PPFIBP1: variants seen among roughly 807,000 people sequenced by gnomAD.
PPFIBP1 encodes PPFIB scaffold protein 1.
PPFIBP1 carries 112 observed loss-of-function variants against 137.8 expected under a neutral mutation model. The observed-to-expected ratio is 0.81, with a 90% CI of 0.70 to 0.95. The LOEUF is 0.95. Ranked by LOEUF, PPFIBP1 falls within the 40% of genes least tolerant of loss-of-function variation. The pLI is 0.00. For synonymous variants in PPFIBP1, 378 were observed against 417.3 expected (o/e 0.91, Z 1.15); for missense variants, 1,083 against 1,196.6 (o/e 0.91, Z 1.40).
chr12:27,691,120 A>G (rs1185354750), intron 27 of PPFIBP1, among the ~76,000 whole-genome samples: 1 of 148,644 alleles, frequency 6.7e-6, no homozygotes, highest in African/African-American at 2.5e-5. Flanking sequence ...TTTAGCAGTC[A>G]CCAGTCCTGT....
chr12:27,576,151 C>G (rs1229537912), intron 1 of PPFIBP1, among the ~76,000 whole-genome samples: 4 of 152,074 alleles, frequency 2.6e-5, no homozygotes, highest in African/African-American at 7.2e-5. Flanking sequence ...TGCCCCATCC[C>G]CCACCGCTTT....
intron 1 of PPFIBP1, among the ~76,000 whole-genome samples, chr12:27,545,325 T>C (rs1946117080): frequency 2.0e-5 from 3 of 152,134 alleles, no homozygotes; most frequent in African/African-American, 7.2e-5. Flanking sequence ...ATGGCACATG[T>C]ATGCCTATGT....
chr12:27,547,273 G>A (rs189696783), intron 1 of PPFIBP1: 4 of 152,244 alleles, frequency 2.6e-5, no homozygotes, highest in South Asian at 2.1e-4. Flanking sequence ...AGGTCTCGCC[G>A]CCTTTACTTG....
At chr12:27,645,379 C>T (rs2058399360) in intron 4 of PPFIBP1, among the ~76,000 whole-genome samples, 1 of 152,152 alleles carries the variant, frequency 6.6e-6, no homozygotes, top group African/African-American at 2.4e-5. Flanking sequence ...ATCTATACAT[C>T]GTTTCTCAAT....
At chr12:27,661,143 C>T (rs2059520197) in intron 11 of PPFIBP1, among the ~76,000 whole-genome samples, 198 bp downstream of exon 11, 1 of 152,202 alleles carries the variant, frequency 6.6e-6, no homozygotes, top group South Asian at 2.1e-4. Context: ...CTGAGAACTC[C>T]TGCCCCCACG....
intron 2 of PPFIBP1, among the ~76,000 whole-genome samples, chr12:27,596,814 G>A (rs934104487): frequency 2.0e-5 from 3 of 152,188 alleles, no homozygotes; most frequent in African/African-American, 7.2e-5. Flanking sequence ...TCAATAGAAA[G>A]AGGAACCAAG....
At position 27,536,233 on chromosome 12, in the gene PPFIBP1, G is replaced by A. The variant is rs890861661; in HGVS notation, c.-124+11868G>A. ...GCTCATGGTGCATTGGGAAAACTGT[G>A]TGAATAGAGAGGCCAGGAATGGTGG... On this transcript the variant is annotated intron_variant, in intron 1 of 29. Transcript: ENST00000228425. Among the ~76,000 whole-genome samples, 5 of 152,320 alleles carry A rather than the reference G, an allele frequency of 3.3e-5. No individual in the cohort carries two copies. The East Asian group carries it at 9.6e-4, about 29-fold the overall frequency.
chr12:27,677,163 G>A (rs1408206135), intron 19 of PPFIBP1, 67 bp downstream of exon 19: 2 of 1,581,808 alleles, frequency 1.3e-6, no homozygotes, highest in Non-Finnish European at 1.7e-6. Flanking sequence ...CCCTGCTCTT[G>A]GCATCTGTGA....
At chr12:27,632,968 T>C (rs2057365900) in intron 2 of PPFIBP1, among the ~76,000 whole-genome samples, 1 of 152,018 alleles carries the variant, frequency 6.6e-6, no homozygotes, top group Non-Finnish European at 1.5e-5. Context: ...CAAACAAAAA[T>C]AAATGAAATT....
At chr12:27,583,301 T>C (rs1223769442) in intron 2 of PPFIBP1, among the ~76,000 whole-genome samples, 1 of 152,188 alleles carries the variant, frequency 6.6e-6, no homozygotes, top group East Asian at 1.9e-4. Context: ...TGCTTCTGGT[T>C]CTAAGCATGG....
intron 1 of PPFIBP1, among the ~76,000 whole-genome samples, chr12:27,565,036 G>A (rs1428593662): frequency 6.6e-6 from 1 of 152,174 alleles, no homozygotes. Flanking sequence ...TTCATCTCCT[G>A]TTGACTTCCC....
intron 1 of PPFIBP1, among the ~76,000 whole-genome samples, chr12:27,524,929 T>C (rs1283080408): frequency 6.6e-6 from 1 of 152,172 alleles, no homozygotes; most frequent in Non-Finnish European, 1.5e-5. Flanking sequence ...GCGGGAAAAC[T>C]CGTCTCTTGG....
intron 1 of PPFIBP1, among the ~76,000 whole-genome samples, chr12:27,573,438 T>C (rs979484890): frequency 6.6e-6 from 1 of 151,982 alleles, no homozygotes; most frequent in African/African-American, 2.4e-5. Context: ...GGTTTTGATG[T>C]TGGTAGTAGA....
At chr12:27,604,518 G>T (rs994491064) in intron 2 of PPFIBP1, among the ~76,000 whole-genome samples, 2 of 152,160 alleles carry the variant, frequency 1.3e-5, no homozygotes, top group Non-Finnish European at 2.9e-5. Context: ...GCCTGTAAAT[G>T]ATTTTGCTGA....
chr12:27,565,908 C>G (rs2049617236), intron 1 of PPFIBP1, among the ~76,000 whole-genome samples: 1 of 144,270 alleles, frequency 6.9e-6, no homozygotes, highest in Non-Finnish European at 1.5e-5. Flanking sequence ...ATCTTACTCA[C>G]TTTTCCTTCT....
chr12:27,626,766 A>G (rs1277602466), intron 2 of PPFIBP1, among the ~76,000 whole-genome samples: 1 of 152,010 alleles, frequency 6.6e-6, no homozygotes, highest in Non-Finnish European at 1.5e-5. Context: ...GGATTTCACC[A>G]TGTTGGCCAG....
chr12:27,604,936 G>A (rs1458827807), intron 2 of PPFIBP1, among the ~76,000 whole-genome samples: 2 of 152,098 alleles, frequency 1.3e-5, no homozygotes, highest in African/African-American at 2.4e-5. Context: ...GCTTGTGCAG[G>A]GAAACTCCCA....
intron 4 of PPFIBP1, among the ~76,000 whole-genome samples, chr12:27,639,605 A>G (rs1304741678): frequency 6.6e-6 from 1 of 152,246 alleles, no homozygotes; most frequent in Non-Finnish European, 1.5e-5. Flanking sequence ...AGTGAGTGAA[A>G]TACTAATGGT....
chr12:27,610,886 C>CTT (rs779489560), intron 2 of PPFIBP1, among the ~76,000 whole-genome samples: 2,488 of 144,708 alleles, frequency 0.017, 39 homozygotes, highest in Middle Eastern at 0.062. Context: ...AGTTATTTTT[C>CTT]TTTTTTTTTT....
Sources: allele counts gnomAD v4.1 joint callset (sites outside exome capture counted in the v4.1 genomes callset), GRCh38; gene constraint gnomAD v4.1.1; transcripts MANE v1.5; gene names NCBI Gene and HGNC (gene_info 2026-07-23, HGNC 2026-07-21).